The following COL9A1 variants were observed in gnomAD, a reference collection of about 807,000 sequenced individuals.
COL9A1 encodes the protein collagen alpha-1(IX) chain.
COL9A1 carries 104 observed loss-of-function variants against 142.6 expected under a neutral mutation model. The ratio of observed to expected loss-of-function variants is 0.73; its 90% CI spans 0.62 to 0.86. The LOEUF (loss-of-function observed/expected upper bound fraction) is 0.86. COL9A1 is among the 40% of genes least tolerant of loss of function. The probability of loss-of-function intolerance (pLI) is 0.00; values close to 1 mark genes in which losing one functional copy is unlikely to be tolerated. For missense variants in COL9A1, 1,210 were observed against 1,176.6 expected, an observed-to-expected ratio of 1.03 and a Z score of -0.42; for synonymous variants, 466 against 396.0, an observed-to-expected ratio of 1.18 and a Z score of -2.10.
At chr6:70,280,551 A>C (rs1157099783) in intron 10 of COL9A1, 7 of 1,393,288 alleles carry the variant, frequency 5.0e-6, no homozygotes, top group Non-Finnish European at 6.5e-6. Flanking sequence ...GGTTAGAGAC[A>C]GGAAGCCAGT....
At chr6:70,276,133 T>C (rs1005035444) in intron 10 of COL9A1, among the ~76,000 whole-genome samples, 2 of 152,182 alleles carry the variant, frequency 1.3e-5, no homozygotes, top group Non-Finnish European at 2.9e-5. Context: ...ACAGACTGCC[T>C]TTGATTTTCA....
chr6:70,240,512 A>G (rs757140998), intron 32 of COL9A1, among the ~76,000 whole-genome samples, 177 bp downstream of exon 32: 24 of 151,912 alleles, frequency 1.6e-4, no homozygotes, highest in Admixed American at 4.6e-4. Context: ...GACTTTTGTT[A>G]GCTGATAGGA....
chr6:70,226,464 T>C (rs1769235224), intron 36 of COL9A1, among the ~76,000 whole-genome samples: 1 of 152,194 alleles, frequency 6.6e-6, no homozygotes, highest in African/African-American at 2.4e-5. Context: ...TCAGGAGATA[T>C]GAATATATAT....
chr6:70,293,988 A>G (rs1406641622), intron 5 of COL9A1, among the ~76,000 whole-genome samples, 179 bp downstream of exon 5: 3 of 152,212 alleles, frequency 2.0e-5, no homozygotes, highest in African/African-American at 7.2e-5. Context: ...CTAGGTGGGC[A>G]TGTAACACTT....
At chr6:70,227,100 A>G (rs1477246661) in intron 36 of COL9A1, among the ~76,000 whole-genome samples, 1 of 152,134 alleles carries the variant, frequency 6.6e-6, no homozygotes, top group Admixed American at 6.5e-5. Context: ...ATGGTATTGG[A>G]AGAAGTGGGT....
chr6:70,300,636 C>G lies in COL9A1; in HGVS notation c.89-250G>C, dbSNP rs547200997. ...TCTACGATTATAATCTGTCCACCTG[C>G]AACTCATCCTGGAAGGGGTGGATGC... On this transcript the variant is annotated intron_variant, in intron 2 of 37. Coordinates refer to ENST00000357250, the MANE Select transcript of COL9A1 (RefSeq NM_001851.6). Among the ~76,000 whole-genome samples, 3 of 152,238 alleles carry G rather than the reference C, an allele frequency of 2.0e-5. No individual in the cohort carries two copies. The South Asian group carries it at 6.2e-4, about 32-fold the overall frequency.
At chr6:70,274,383 C>A (rs112075981) in intron 11 of COL9A1, among the ~76,000 whole-genome samples, 1 of 151,964 alleles carries the variant, frequency 6.6e-6, no homozygotes, top group Non-Finnish European at 1.5e-5. Context: ...TTCTGACAGG[C>A]CCCTGTGTGT....
At chr6:70,239,061 C>A (rs1027654674) in intron 33 of COL9A1, among the ~76,000 whole-genome samples, 193 bp downstream of exon 33, 2 of 152,158 alleles carry the variant, frequency 1.3e-5, no homozygotes, top group Non-Finnish European at 2.9e-5. Flanking sequence ...ATTGCTTGAA[C>A]CCAGGAGGCA....
chr6:70,255,233 G>T (rs112322516), intron 22 of COL9A1, 30 bp from the exon 23 acceptor site: 11 of 1,613,398 alleles, frequency 6.8e-6, no homozygotes, highest in African/African-American at 5.3e-5. Context: ...GAATAGACAA[G>T]ACATGTTCAG....
intron 29 of COL9A1, 135 bp from the exon 30 acceptor site, chr6:70,242,170 GTTTGCCTCTCTTTC>G (rs1426090851): frequency 3.9e-6 from 3 of 771,900 alleles, no homozygotes; most frequent in Non-Finnish European, 4.5e-6. Context: ...TGCTTCTTGG[GTTTGCCTCTCTTTC>G]ATATTCTCAG....
At chr6:70,282,818 C>T (rs1583329956) in intron 7 of COL9A1, 80 bp downstream of exon 7, 1 of 1,607,272 alleles carries the variant, frequency 6.2e-7, no homozygotes, top group Non-Finnish European at 8.5e-7. Context: ...GCGCCTTTCT[C>T]ACAGCTCCCT....
chr6:70,274,147 G>A lies in COL9A1; in HGVS notation c.1030-65C>T. 2.3e-6 allele frequency: 3 copies of A among 1,306,486 alleles called. No homozygotes were observed. In the South Asian group the frequency reaches 4.0e-5, roughly 18 times the overall value. The allele number at this position is 1,306,486 out of a possible 1,614,324, so 80.9% of individuals were successfully genotyped here. ...TCATGAATATGTAAATGTGAAAACT[G>A]CATAAATATTGAAAGCATTAAAACA... On this transcript the variant is annotated intron_variant, in intron 11 of 37. Transcript: ENST00000357250.
intron 28 of COL9A1, among the ~76,000 whole-genome samples, chr6:70,250,031 A>T (rs1193351974): frequency 6.6e-6 from 1 of 152,122 alleles, no homozygotes; most frequent in Non-Finnish European, 1.5e-5. Flanking sequence ...GAGGCCAAAA[A>T]GGGTGAATCT....
In COL9A1 at chr6:70,234,540, T is replaced by G. The variant is rs1218311073; in HGVS notation, c.2313A>C (p.Gln771His). 6.2e-7 allele frequency: 1 copy of G among 1,614,152 alleles called. No individual in the cohort carries two copies. Residue 771 changes from glutamine to histidine, a missense_variant and splice_region_variant, in exon 35 of 38, where the codon CAA becomes CAC. Coordinates refer to ENST00000357250, the MANE Select transcript of COL9A1 (RefSeq NM_001851.6). The part of the protein sequence containing the change: ...HIKQVCMRVI[Q>H]EHFAEMAASL... Reference sequence around the variant, plus strand: ...GTCAAACCATTGTGATTTATTTACCTTGTATGACTCTCATGCAAACCTGCT... The same window carrying G: ...GTCAAACCATTGTGATTTATTTACCGTGTATGACTCTCATGCAAACCTGCT...
intron 7 of COL9A1, 91 bp downstream of exon 7, chr6:70,282,807 C>A: frequency 6.3e-7 from 1 of 1,591,242 alleles, no homozygotes; most frequent in East Asian, 2.2e-5. Flanking sequence ...GGGGATGCTC[C>A]GCGCCTTTCT....
chr6:70,222,654 C>G (rs578170329), intron 37 of COL9A1: 1 of 152,204 alleles, frequency 6.6e-6, no homozygotes, highest in South Asian at 2.1e-4. Context: ...AATACAGGAA[C>G]TCTAACAACC....
chr6:70,281,581 G>A lies in COL9A1; in HGVS notation c.802-117C>T, dbSNP rs1773171257. 6.7e-6 allele frequency: 5 copies of A among 749,614 alleles called. No homozygotes were observed. The South Asian group carries it at 7.6e-5, about 11-fold the overall frequency. 46.4% of individuals were successfully genotyped at this position (749,614 alleles called of 1,614,324 possible). On this transcript the variant is annotated intron_variant, in intron 7 of 37. Coordinates refer to ENST00000357250, the MANE Select transcript of COL9A1 (RefSeq NM_001851.6). Reference sequence around the variant, plus strand: ...TAAAAGTTACCTTCCAGAGGAGGCCGGGTTTTGCAACCCAACGCAAAAATG... The same window carrying A: ...TAAAAGTTACCTTCCAGAGGAGGCCAGGTTTTGCAACCCAACGCAAAAATG...
intron 37 of COL9A1, among the ~76,000 whole-genome samples, chr6:70,219,435 G>A (rs534681574): frequency 4.6e-5 from 7 of 152,322 alleles, no homozygotes; most frequent in African/African-American, 1.4e-4. Context: ...TGGCGTACCA[G>A]GGCAGAGTTA....
chr6:70,283,057 G>C, intron 6 of COL9A1, 139 bp from the exon 7 acceptor site: 1 of 1,545,168 alleles, frequency 6.5e-7, no homozygotes, highest in South Asian at 1.2e-5. Flanking sequence ...GGCCATGCCC[G>C]CCGCCCGCCG....
Sources: gnomAD v4.1 joint callset for allele counts (sites outside exome capture counted in the v4.1 genomes callset) on GRCh38, gnomAD v4.1.1 for gene constraint, MANE v1.5 for transcripts, NCBI Gene and HGNC (gene_info 2026-07-23, HGNC 2026-07-21) for gene names.